The following MYOC variants were observed in gnomAD, a reference collection of about 807,000 sequenced individuals.
MYOC encodes myocilin, also known as juvenile-onset open-angle glaucoma 1.
A neutral mutation model predicts 28.2 loss-of-function variants in MYOC; 29 were observed. The observed-to-expected ratio is 1.03, with a 90% CI of 0.77 to 1.40. The LOEUF (loss-of-function observed/expected upper bound fraction) is 1.40. Among genes scored for constraint, MYOC ranks in the 40% most tolerant of loss-of-function variants. MYOC has a pLI of 0.00. For missense variants in MYOC, 569 were observed against 620.6 expected (o/e 0.92, Z 0.88); for synonymous variants, 240 against 245.6 (o/e 0.98, Z 0.21).
intron 1 of MYOC, among the ~76,000 whole-genome samples, chr1:171,646,624 G>T (rs1033630418): frequency 6.6e-6 from 1 of 151,550 alleles, no homozygotes; most frequent in African/African-American, 2.4e-5. Flanking sequence ...AGCCTCCTGA[G>T]TAGCTGGGAC....
intron 1 of MYOC, among the ~76,000 whole-genome samples, chr1:171,648,120 C>T (rs1271797749): frequency 6.6e-6 from 1 of 150,818 alleles, no homozygotes; most frequent in African/African-American, 2.4e-5. Context: ...ACCCAGGAGG[C>T]GGAGGTTGCA....
chr1:171,652,049 G>T lies in MYOC; in HGVS notation c.563C>A (p.Thr188Asn). 1 of 1,614,228 alleles carries T rather than the reference G, an allele frequency of 6.2e-7. No homozygotes were observed. Among genetic ancestry groups the T allele is most frequent in the Admixed American group, 1.7e-5 (1 of 60,030 alleles). ...ARLRRGQCPQ[T>N]RDTARAVPPG... Reference sequence around the variant, plus strand: ...TGGCACAGCCCGAGCAGTGTCTCGGGTCTGGGGACACTGGCCCCTTCTCAG... The same window carrying T: ...TGGCACAGCCCGAGCAGTGTCTCGGTTCTGGGGACACTGGCCCCTTCTCAG... Residue 188 changes from threonine to asparagine, a missense_variant, in exon 1 of 3, where the codon ACC (threonine) becomes AAC (asparagine). By Grantham distance (65) the Thr-to-Asn change is moderately conservative. Transcript: ENST00000037502.
In MYOC at chr1:171,638,905, C is replaced by T; in HGVS notation, c.605-183G>A. The T allele has an allele frequency of 9.2e-6, 5 of 545,808 alleles. No homozygotes were observed. The South Asian group carries it at 9.5e-5, about 10-fold the overall frequency. 33.8% of individuals were successfully genotyped at this position (545,808 alleles called of 1,614,324 possible). On this transcript the variant is annotated intron_variant, in intron 1 of 2. Transcript: ENST00000037502. The stretch of plus-strand genomic sequence containing the variant: ...GGTCAGGAGTTCGAGACCAGCCTGG[C>T]CAACATGGTGAAACCCTGTCTTTGC...
rs200208925 is a variant in MYOC at position 171,652,454 on chromosome 1, A to G, written c.158T>C (p.Val53Ala). 1.3e-5 allele frequency: 21 copies of G among 1,614,224 alleles called. No individual in the cohort carries two copies. In the East Asian group the frequency reaches 4.2e-4, roughly 33 times the overall value. Reference sequence around the variant, plus strand: ...GCAGCTGGATTCATTGGGACTGGCCACACTGAAGGTATACTGGCATCGGCC... The same window carrying G: ...GCAGCTGGATTCATTGGGACTGGCCGCACTGAAGGTATACTGGCATCGGCC... ...QSGRCQYTFS[V>A]ASPNESSCPE... The change falls in exon 1 of 3, where the codon GTG becomes GCG. Residue 53 changes from valine (V) to alanine (A), a missense_variant. Val to Ala is a moderately conservative substitution (Grantham distance 64, BLOSUM62 0). Coordinates refer to ENST00000037502, the MANE Select transcript of MYOC (RefSeq NM_000261.2).
intron 1 of MYOC, among the ~76,000 whole-genome samples, chr1:171,642,425 C>T (rs1653096181): frequency 6.6e-6 from 1 of 152,046 alleles, no homozygotes; most frequent in Admixed American, 6.6e-5. Flanking sequence ...CCAGGCTGGG[C>T]AACATAGCGA....
intron 2 of MYOC, among the ~76,000 whole-genome samples, chr1:171,638,141 CTG>C (rs1480044136): frequency 5.9e-5 from 9 of 152,214 alleles, no homozygotes; most frequent in Non-Finnish European, 2.9e-5. Flanking sequence ...GAGAGCCAAA[CTG>C]TACTTTTCCT....
At chr1:171,645,791 T>G (rs1219283981) in intron 1 of MYOC, among the ~76,000 whole-genome samples, 2 of 152,214 alleles carry the variant, frequency 1.3e-5, no homozygotes, top group Non-Finnish European at 2.9e-5. Context: ...TATCAGTTCT[T>G]CTACCCTCAC....
At chr1:171,637,061 C>T (rs1007504469) in intron 2 of MYOC, among the ~76,000 whole-genome samples, 2 of 152,216 alleles carry the variant, frequency 1.3e-5, no homozygotes, top group South Asian at 2.1e-4. Flanking sequence ...ACAATTATTG[C>T]TATCACTGAG....
At chr1:171,641,291 G>A (rs1485830149) in intron 1 of MYOC, among the ~76,000 whole-genome samples, 1 of 152,136 alleles carries the variant, frequency 6.6e-6, no homozygotes, top group African/African-American at 2.4e-5. Context: ...GGCCACCTGG[G>A]GAAGCACCAG....
chr1:171,651,760 A>G (rs1206478657), intron 1 of MYOC, among the ~76,000 whole-genome samples: 1 of 152,164 alleles, frequency 6.6e-6, no homozygotes, highest in Non-Finnish European at 1.5e-5. Context: ...TCCTTTTGCT[A>G]TGGACTGTGA....
At chr1:171,642,585 G>A (rs1338908356) in intron 1 of MYOC, among the ~76,000 whole-genome samples, 1 of 150,060 alleles carries the variant, frequency 6.7e-6, no homozygotes, top group Non-Finnish European at 1.5e-5. Flanking sequence ...CTGCACTCCA[G>A]TCTGGGTGAC....
rs757551979 is a variant in MYOC, at chr1:171,652,269, C to A, written c.343G>T (p.Glu115Ter). Residue 115 changes from glutamate to a stop codon, truncating the protein, a stop_gained, in exon 1 of 3, where the codon GAG (glutamate) becomes TAG (stop). Coordinates refer to ENST00000037502, the MANE Select transcript of MYOC (RefSeq NM_000261.2). LOFTEE classifies it high-confidence loss of function. ...DQAARPQETQEGLQRELGTLR... is the reference protein window; with the variant it reads ...DQAARPQETQ The stretch of plus-strand genomic sequence containing the variant: ...GTGCCCAGCTCCCTCTGCAGCCCCT[C>A]CTGGGTCTCCTGGGGCCTGGCAGCC... 3 of 1,613,664 alleles carry A rather than the reference C, an allele frequency of 1.9e-6. No individual in the cohort carries two copies. The highest frequency in any genetic ancestry group is 2.5e-6 in the Non-Finnish European group (3 of 1,179,774).
intron 1 of MYOC, among the ~76,000 whole-genome samples, chr1:171,639,652 C>CAAAAA (rs3980587): frequency 0.024 from 2,809 of 115,172 alleles, 86 homozygotes; most frequent in Middle Eastern, 0.066. Flanking sequence ...CTCAAGGTCT[C>CAAAAA]AAAAAAAAAA....
At position 171,652,506 on chromosome 1, in the gene MYOC, G is replaced by A; in HGVS notation, c.106C>T (p.Gln36Ter). Residue 36 changes from glutamine to a stop codon, truncating the protein, a stop_gained, in exon 1 of 3, where the codon CAG becomes TAG. Transcript: ENST00000037502. LOFTEE classifies it high-confidence loss of function. Reference protein sequence around the residue: ...LVWDVGARTAQLRKANDQSGR... With the variant: ...LVWDVGARTA ...CTCTGGTCATTGGCCTTCCTGAGCT[G>A]AGCTGTCCTGGCCCCCACATCCCAC... 6.2e-7 allele frequency: 1 copy of A among 1,614,186 alleles called. No individual in the cohort carries two copies. Among genetic ancestry groups the A allele is most frequent in the African/African-American group, 1.3e-5 (1 of 75,048 alleles).
intron 1 of MYOC, among the ~76,000 whole-genome samples, chr1:171,648,935 C>T (rs1653288301): frequency 6.6e-6 from 1 of 150,978 alleles, no homozygotes; most frequent in South Asian, 2.1e-4. Context: ...GATCTGTCCA[C>T]CTCGGCCTCC....
chr1:171,635,506 A>T lies in MYOC; in HGVS notation c.*419T>A. The T allele has an allele frequency of 3.0e-6, 1 of 336,454 alleles. No homozygotes were observed. The highest frequency in any genetic ancestry group is 5.5e-6 in the Non-Finnish European group (1 of 180,760). 20.8% of individuals were successfully genotyped at this position (336,454 alleles called of 1,614,324 possible). ...AAGCATTAGAAGCCAACTGTAGTAA[A>T]TGCATCTTACTTATATTCGATGCTG... On this transcript the variant is annotated 3_prime_UTR_variant, in exon 3 of 3. Coordinates refer to ENST00000037502, the MANE Select transcript of MYOC (RefSeq NM_000261.2).
At chr1:171,637,947 C>T (rs1292584716) in intron 2 of MYOC, among the ~76,000 whole-genome samples, 1 of 152,134 alleles carries the variant, frequency 6.6e-6, no homozygotes, top group Non-Finnish European at 1.5e-5. Context: ...CCTTCGGTTC[C>T]CTCATAGAAG....
intron 1 of MYOC, among the ~76,000 whole-genome samples, chr1:171,639,582 C>T (rs374559922): frequency 6.8e-6 from 1 of 146,408 alleles, no homozygotes; most frequent in East Asian, 2.0e-4. Flanking sequence ...AAGTTCAAGG[C>T]TGCAGTGAGC....
In MYOC at chr1:171,636,054, G is replaced by A; in HGVS notation, c.1386C>T (p.Thr462=). Reference sequence around the variant, plus strand: ...AGCGGTTCTTGAATGGGATGGTCAGGGTCTTGCTGATACCTGTGCCTGTGT... The same window carrying A: ...AGCGGTTCTTGAATGGGATGGTCAGAGTCTTGCTGATACCTGTGCCTGTGT... The part of the protein sequence containing the change: ...AYDTGTGISK[T]LTIPFKNRYK... Residue 462 remains threonine (T), a synonymous_variant, in exon 3 of 3, where the codon ACC becomes ACT. Transcript: ENST00000037502. 1 of 1,614,156 alleles carries A rather than the reference G, an allele frequency of 6.2e-7. No homozygotes were observed. Among genetic ancestry groups the A allele is most frequent in the South Asian group, 1.1e-5 (1 of 91,082 alleles).
Sources: gnomAD v4.1 joint callset for allele counts (sites outside exome capture counted in the v4.1 genomes callset) on GRCh38, gnomAD v4.1.1 for gene constraint, MANE v1.5 for transcripts, NCBI Gene and HGNC (gene_info 2026-07-23, HGNC 2026-07-21) for gene names.